Variants in NT5DC1 observed in about 807,000 individuals in gnomAD.
NT5DC1 encodes the protein 5'-nucleotidase domain-containing protein 1.
NT5DC1 carries 42 observed loss-of-function variants against 59.4 expected under a neutral mutation model. The observed-to-expected ratio is 0.71, with a 90% CI of 0.55 to 0.92. The LOEUF (loss-of-function observed/expected upper bound fraction) is 0.92. Ranked by LOEUF, NT5DC1 falls within the 40% of genes least tolerant of loss-of-function variation. NT5DC1 has a pLI of 0.00. For synonymous variants in NT5DC1, 172 were observed against 188.1 expected, an observed-to-expected ratio of 0.91 and a Z score of 0.70; for missense variants, 501 against 537.1, an observed-to-expected ratio of 0.93 and a Z score of 0.66.
chr6:116,170,594 A>C (rs753809945), intron 6 of NT5DC1, among the ~76,000 whole-genome samples: 9 of 152,168 alleles, frequency 5.9e-5, no homozygotes, highest in Non-Finnish European at 1.0e-4. Context: ...TGTTTTAGTC[A>C]CTTTTAAATT....
rs945444853 is a variant in NT5DC1 at position 116,246,162 on chromosome 6, T to C, written c.*2138T>C. On this transcript the variant is annotated 3_prime_UTR_variant, in exon 12 of 12. Coordinates refer to ENST00000319550, the MANE Select transcript of NT5DC1 (RefSeq NM_152729.3). ...ATATGAAGCAAAAAAATTGTATAAA[T>C]GGACAGAAGACATGTAATATTCGCA... is the stretch of plus-strand genomic sequence containing the variant. 3.3e-5 allele frequency: 5 copies of C among 152,108 alleles called. No homozygotes were observed. Among genetic ancestry groups the C allele is most frequent in the Non-Finnish European group, 7.4e-5 (5 of 67,992 alleles). The allele number at this position is 152,108 out of a possible 1,614,324, so 9.4% of individuals were successfully genotyped here. A position where few individuals can be genotyped will look rare whatever the true frequency, so the allele number is the denominator to read the frequency against.
At chr6:116,115,297 C>T (rs1778944101) in intron 4 of NT5DC1, among the ~76,000 whole-genome samples, 1 of 152,132 alleles carries the variant, frequency 6.6e-6, no homozygotes, top group Non-Finnish European at 1.5e-5. Context: ...TCTGAAAAAG[C>T]ACTATTGTAT....
rs145664863 is a variant in NT5DC1, at chr6:116,104,291, A to G, written c.94-1953A>G. Among the ~76,000 whole-genome samples the G allele has an allele frequency of 2.5e-3, 386 of 152,224 alleles. 10 individuals carry two copies. In the South Asian group the frequency reaches 0.044, roughly 17 times the overall value. ...CTCCTGTTACAGAAAAATCTCCTCCACAAGGTAAGGAACACAGCTGTTGCT... is the reference window on the plus strand; with the variant it reads ...CTCCTGTTACAGAAAAATCTCCTCCGCAAGGTAAGGAACACAGCTGTTGCT... On this transcript the variant is annotated intron_variant, in intron 1 of 11. Coordinates refer to ENST00000319550, the MANE Select transcript of NT5DC1 (RefSeq NM_152729.3).
intron 6 of NT5DC1, among the ~76,000 whole-genome samples, chr6:116,129,578 C>A (rs1339806412): frequency 6.6e-6 from 1 of 152,186 alleles, no homozygotes; most frequent in East Asian, 1.9e-4. Flanking sequence ...GCCCTTCTGC[C>A]TTCTGCCATG....
At chr6:116,136,216 A>G (rs771162037) in intron 6 of NT5DC1, among the ~76,000 whole-genome samples, 1 of 152,000 alleles carries the variant, frequency 6.6e-6, no homozygotes. Flanking sequence ...GGTGTATTTC[A>G]CTTAGCATAT....
Position 116,244,103 on chromosome 6 carries a change from G to C in NT5DC1, c.*79G>C, listed in dbSNP as rs1272055900. 1.1e-5 allele frequency: 6 copies of C among 544,064 alleles called. No individual in the cohort carries two copies. The highest frequency in any genetic ancestry group is 1.9e-5 in the African/African-American group (1 of 51,384). 33.7% of individuals were successfully genotyped at this position (544,064 alleles called of 1,614,324 possible). On this transcript the variant is annotated 3_prime_UTR_variant, in exon 12 of 12. Transcript: ENST00000319550. ...TTAATTTTCAAAAAATACTGTAAAA[G>C]ACTTTAAGGAACAAGTTTTATTGAC...
chr6:116,105,239 G>A (rs1181784736), intron 1 of NT5DC1, among the ~76,000 whole-genome samples: 1 of 152,122 alleles, frequency 6.6e-6, no homozygotes, highest in Admixed American at 6.5e-5. Flanking sequence ...CTGAACCTGA[G>A]TTGCCCCCCA....
intron 6 of NT5DC1, among the ~76,000 whole-genome samples, chr6:116,218,611 T>C (rs1381688814): frequency 6.6e-6 from 1 of 152,152 alleles, no homozygotes; most frequent in Non-Finnish European, 1.5e-5. Flanking sequence ...TACTAGTACT[T>C]CCTCTTCCCT....
Position 116,115,674 on chromosome 6 carries a change from ATTTT to A in NT5DC1, c.365-16_365-13del. ...AGCATTATGTTGTTCCCAGTTTAAA[ATTTT>A]GTTCTTTTTTAGGAAAGTATTACTT... On this transcript the variant is annotated splice_polypyrimidine_tract_variant and intron_variant, in intron 4 of 11. Transcript: ENST00000319550. 1 of 1,376,500 alleles carries A rather than the reference ATTTT, an allele frequency of 7.3e-7. No individual in the cohort carries two copies. Among genetic ancestry groups the A allele is most frequent in the Non-Finnish European group, 1.0e-6 (1 of 964,226 alleles). The allele number at this position is 1,376,500 out of a possible 1,614,324, so 85.3% of individuals were successfully genotyped here. A position where few individuals can be genotyped will look rare whatever the true frequency, so the allele number is the denominator to read the frequency against.
chr6:116,124,812 G>T (rs1157152358), intron 6 of NT5DC1, among the ~76,000 whole-genome samples: 1 of 152,120 alleles, frequency 6.6e-6, no homozygotes, highest in African/African-American at 2.4e-5. Context: ...AGTTTCATTT[G>T]CCTGCTTGGC....
At chr6:116,241,879 C>A (rs571958947) in intron 11 of NT5DC1, among the ~76,000 whole-genome samples, 1 of 132,422 alleles carries the variant, frequency 7.6e-6, no homozygotes, top group African/African-American at 2.9e-5. Flanking sequence ...GCCGAGATCG[C>A]GCCACTGCAC....
chr6:116,134,018 A>G (rs187900372), intron 6 of NT5DC1, among the ~76,000 whole-genome samples: 3 of 152,340 alleles, frequency 2.0e-5, no homozygotes, highest in East Asian at 1.9e-4. Flanking sequence ...TATGATGCTA[A>G]TCAGGCGGAA....
chr6:116,159,181 T>A (rs1011275394), intron 6 of NT5DC1, among the ~76,000 whole-genome samples: 2 of 152,210 alleles, frequency 1.3e-5, no homozygotes, highest in African/African-American at 2.4e-5. Context: ...TTGGTTTTTT[T>A]AAATATACAA....
At position 116,246,464 on chromosome 6, in the gene NT5DC1, T is replaced by G. The variant is rs947257356; in HGVS notation, c.*2440T>G. The G allele has an allele frequency of 1.2e-5, 1 of 84,868 alleles. No homozygotes were observed. Among genetic ancestry groups the G allele is most frequent in the Admixed American group, 1.3e-4 (1 of 7,668 alleles). The allele number at this position is 84,868 out of a possible 1,614,324, so 5.3% of individuals were successfully genotyped here. The stretch of plus-strand genomic sequence containing the variant: ...CAATATTCATATCCAAAAATAACTT[T>G]AAATACACACACACACACACACACA... On this transcript the variant is annotated 3_prime_UTR_variant, in exon 12 of 12. Coordinates refer to ENST00000319550, the MANE Select transcript of NT5DC1 (RefSeq NM_152729.3).
intron 6 of NT5DC1, chr6:116,122,045 T>C: frequency 8.8e-7 from 1 of 1,139,048 alleles, no homozygotes; most frequent in Middle Eastern, 2.5e-4. Flanking sequence ...AAACTATGAA[T>C]TGGGACACGA....
intron 6 of NT5DC1, among the ~76,000 whole-genome samples, chr6:116,199,154 T>C (rs766721365): frequency 1.3e-5 from 2 of 152,024 alleles, no homozygotes; most frequent in Non-Finnish European, 2.9e-5. Flanking sequence ...AAAGCCGTAA[T>C]GTATAAAAAT....
intron 6 of NT5DC1, chr6:116,119,483 G>C (rs1443596373): frequency 6.5e-6 from 1 of 152,682 alleles, no homozygotes; most frequent in Non-Finnish European, 1.5e-5. Flanking sequence ...GCTTTAACAA[G>C]TATATATGCA....
At chr6:116,231,392 C>T (rs968427632) in intron 8 of NT5DC1, among the ~76,000 whole-genome samples, 1 of 152,050 alleles carries the variant, frequency 6.6e-6, no homozygotes, top group African/African-American at 2.4e-5. Flanking sequence ...GTCAAATTTA[C>T]ATATATACAG....
At chr6:116,236,536 A>G (rs1437831562) in intron 8 of NT5DC1, among the ~76,000 whole-genome samples, 1 of 152,228 alleles carries the variant, frequency 6.6e-6, no homozygotes, top group Non-Finnish European at 1.5e-5. Flanking sequence ...CAAAATTTAC[A>G]TCTGAATCTG....
Sources: allele counts gnomAD v4.1 joint callset (sites outside exome capture counted in the v4.1 genomes callset), GRCh38; gene constraint gnomAD v4.1.1; transcripts MANE v1.5; gene names NCBI Gene and HGNC (gene_info 2026-07-23, HGNC 2026-07-21).